HUNK: variants seen among roughly 807,000 people sequenced by gnomAD.
The protein encoded by HUNK is hormonally up-regulated Neu-associated kinase, also known as hormonally up-regulated neu tumor-associated kinase.
A neutral mutation model predicts 61.0 loss-of-function variants in HUNK; 21 were observed. The observed-to-expected ratio is 0.34, with a 90% CI of 0.24 to 0.50. The LOEUF is 0.50. Among genes scored for constraint, HUNK ranks in the 20% least tolerant of loss-of-function variants. The pLI, the probability that HUNK is intolerant of heterozygous loss-of-function variation, is 0.98. For synonymous variants in HUNK, 371 were observed against 386.1 expected (o/e 0.96, Z 0.46); for missense variants, 772 against 945.7 (o/e 0.82, Z 2.41).
In HUNK at chr21:31,948,191, C is replaced by T. The variant is rs186570016; in HGVS notation, c.746+2020C>T. ...ATACAGCCCCAGCTCTCCAACGTGGCGTGTGGGGACCCTTGCTTGCCCTGT... is the reference window on the plus strand; with the variant it reads ...ATACAGCCCCAGCTCTCCAACGTGGTGTGTGGGGACCCTTGCTTGCCCTGT... On this transcript the variant is annotated intron_variant, in intron 4 of 10. Transcript: ENST00000270112. Among the ~76,000 whole-genome samples the T allele has an allele frequency of 3.3e-5, 5 of 152,334 alleles. No individual in the cohort carries two copies. In the South Asian group the frequency reaches 6.2e-4, roughly 19 times the overall value.
chr21:31,946,552 C>T (rs567943095), intron 4 of HUNK, among the ~76,000 whole-genome samples: 3 of 152,138 alleles, frequency 2.0e-5, no homozygotes, highest in Non-Finnish European at 4.4e-5. Flanking sequence ...GCCCATCTCT[C>T]CTACCCCCTG....
At chr21:31,978,836 A>G (rs7280610) in intron 7 of HUNK, among the ~76,000 whole-genome samples, 73,931 of 151,884 alleles carry the variant, frequency 0.49, 18,633 homozygotes, top group South Asian at 0.6. Flanking sequence ...ATCTCCTTTG[A>G]ATATAGACCC....
At chr21:31,882,628 G>A (rs1320580980) in intron 1 of HUNK, among the ~76,000 whole-genome samples, 3 of 152,140 alleles carry the variant, frequency 2.0e-5, no homozygotes, top group Admixed American at 1.3e-4. Context: ...GAGTATCGGC[G>A]TGTCCATCAC....
chr21:31,904,967 A>G lies in HUNK; in HGVS notation c.262-19501A>G, dbSNP rs192670417. Among the ~76,000 whole-genome samples the G allele has an allele frequency of 1.4e-4, 21 of 151,950 alleles. 1 individual carries two copies. The East Asian group carries it at 4.1e-3, about 30-fold the overall frequency. The stretch of plus-strand genomic sequence containing the variant: ...GTGGTGCACACCTGTAATCCCAGCT[A>G]CTCGGGAGGCTGAGATGGGAGAATT... On this transcript the variant is annotated intron_variant, in intron 1 of 10. Coordinates refer to ENST00000270112, the MANE Select transcript of HUNK (RefSeq NM_014586.2).
chr21:31,940,029 G>C (rs2052759476), intron 2 of HUNK, 136 bp from the exon 3 acceptor site: 2 of 645,180 alleles, frequency 3.1e-6, no homozygotes, highest in South Asian at 3.6e-5. Context: ...TTTACTTGTT[G>C]ATTGAGTTTT....
At chr21:31,894,701 A>C (rs1243672123) in intron 1 of HUNK, among the ~76,000 whole-genome samples, 1 of 152,208 alleles carries the variant, frequency 6.6e-6, no homozygotes, top group African/African-American at 2.4e-5. Context: ...CCAGTTGGAC[A>C]AAGGCTTCCT....
rs1568944474 is a variant in HUNK at position 31,995,642 on chromosome 21, C to T, written c.1306-126C>T. 6 of 780,760 alleles carry T rather than the reference C, an allele frequency of 7.7e-6. No homozygotes were observed. In the East Asian group the frequency reaches 1.5e-4, roughly 20 times the overall value. 48.4% of individuals were successfully genotyped at this position (780,760 alleles called of 1,614,324 possible). On this transcript the variant is annotated intron_variant, in intron 9 of 10. Transcript: ENST00000270112. ...CACAGCTCCTCCCTCATTCAACACA[C>T]AGTTGAGAGCATAGAGTATTGAAAA...
chr21:31,954,402 A>T (rs943412559), intron 4 of HUNK, among the ~76,000 whole-genome samples: 1 of 152,392 alleles, frequency 6.6e-6, no homozygotes, highest in Non-Finnish European at 1.5e-5. Flanking sequence ...TTATAAGTAC[A>T]TGAGCCCCAA....
chr21:31,888,434 G>A (rs2052363188), intron 1 of HUNK, among the ~76,000 whole-genome samples: 1 of 149,308 alleles, frequency 6.7e-6, no homozygotes, highest in Admixed American at 6.8e-5. Flanking sequence ...AGGAGCTTGA[G>A]CTATTAATAA....
At chr21:31,913,114 T>C (rs1358830623) in intron 1 of HUNK, among the ~76,000 whole-genome samples, 1 of 152,048 alleles carries the variant, frequency 6.6e-6, no homozygotes, top group East Asian at 1.9e-4. Context: ...TGCTGGGAGG[T>C]CAGACACCAT....
intron 1 of HUNK, among the ~76,000 whole-genome samples, chr21:31,893,177 C>T (rs1367845898): frequency 1.3e-5 from 2 of 151,938 alleles, no homozygotes; most frequent in Non-Finnish European, 2.9e-5. Flanking sequence ...GTCATGGAAG[C>T]TTCTACAGCA....
chr21:31,926,367 A>G (rs1354305038), intron 2 of HUNK, among the ~76,000 whole-genome samples: 1 of 152,188 alleles, frequency 6.6e-6, no homozygotes, highest in African/African-American at 2.4e-5. Flanking sequence ...TATAAAAGTC[A>G]CCATTTAAAA....
At chr21:31,884,576 G>A (rs1329643583) in intron 1 of HUNK, among the ~76,000 whole-genome samples, 1 of 148,066 alleles carries the variant, frequency 6.8e-6, no homozygotes, top group Non-Finnish European at 1.5e-5. Context: ...TGGGTGACAA[G>A]AGCAAAACTC....
intron 5 of HUNK, among the ~76,000 whole-genome samples, chr21:31,960,881 C>A (rs1263389066): frequency 1.3e-5 from 2 of 152,210 alleles, no homozygotes; most frequent in Non-Finnish European, 2.9e-5. Flanking sequence ...TATTGTATAA[C>A]TGTGGTATAA....
chr21:31,983,004 C>T (rs748814666), intron 7 of HUNK, among the ~76,000 whole-genome samples: 7 of 151,972 alleles, frequency 4.6e-5, no homozygotes, highest in African/African-American at 1.7e-4. Context: ...GGTTTCGCCA[C>T]GTTGGCCAGG....
At chr21:31,912,722 T>C (rs1356038696) in intron 1 of HUNK, among the ~76,000 whole-genome samples, 1 of 152,008 alleles carries the variant, frequency 6.6e-6, no homozygotes, top group East Asian at 1.9e-4. Context: ...TTTGTATTTG[T>C]TTGGTAGAGA....
chr21:31,937,917 T>C (rs1040705243), intron 2 of HUNK, among the ~76,000 whole-genome samples: 4 of 152,216 alleles, frequency 2.6e-5, no homozygotes, highest in Admixed American at 2.6e-4. Context: ...AGTTTTGAAG[T>C]ATTCTGTGTA....
At chr21:31,986,252 T>A (rs1451253260) in intron 8 of HUNK, among the ~76,000 whole-genome samples, 1 of 151,634 alleles carries the variant, frequency 6.6e-6, no homozygotes, top group African/African-American at 2.4e-5. Flanking sequence ...TCCCCAGCAG[T>A]GCAAGGAAGA....
intron 8 of HUNK, among the ~76,000 whole-genome samples, chr21:31,985,241 G>T (rs187217777): frequency 7.2e-4 from 110 of 152,324 alleles, no homozygotes; most frequent in Admixed American, 1.7e-3. Flanking sequence ...CTATGCCCCA[G>T]TGAGGTCACT....
Sources: allele counts gnomAD v4.1 joint callset (sites outside exome capture counted in the v4.1 genomes callset), GRCh38; gene constraint gnomAD v4.1.1; transcripts MANE v1.5; gene names NCBI Gene and HGNC (gene_info 2026-07-23, HGNC 2026-07-21).